Variants in USP37 observed in about 807,000 individuals in gnomAD.
USP37 encodes the protein ubiquitin specific peptidase 37.
USP37 carries 27 observed loss-of-function variants against 124.0 expected under a neutral mutation model. That is an observed-to-expected ratio of 0.22 (90% CI 0.16 to 0.30). The LOEUF (loss-of-function observed/expected upper bound fraction) is 0.30, where lower values mean the gene tolerates loss of function less well. Ranked by LOEUF, USP37 falls within the 10% of genes least tolerant of loss-of-function variation. USP37 has a pLI of 1.00. For missense variants in USP37, 889 were observed against 1,140.4 expected (o/e 0.78, Z 3.17); for synonymous variants, 365 against 388.0 (o/e 0.94, Z 0.70).
At chr2:218,518,144 C>T (rs1574914583) in intron 10 of USP37, among the ~76,000 whole-genome samples, 3 of 151,990 alleles carry the variant, frequency 2.0e-5, no homozygotes, top group Admixed American at 6.6e-5. Flanking sequence ...TTTGTAGAGA[C>T]GAGATTTCCC....
At position 218,454,651 on chromosome 2, in the gene USP37, C is replaced by T. The variant is rs1196836698; in HGVS notation, c.*279G>A. The T allele has an allele frequency of 1.5e-5, 6 of 412,100 alleles. No homozygotes were observed. In the Admixed American group the frequency reaches 2.5e-4, roughly 17 times the overall value. 25.5% of individuals were successfully genotyped at this position (412,100 alleles called of 1,614,324 possible). On this transcript the variant is annotated 3_prime_UTR_variant, in exon 26 of 26. Transcript: ENST00000258399. ...GTGTGTCTGTGTGTGTGTATACACA[C>T]ATACACAGATATATATTTACAACAT...
chr2:218,566,569 A>T (rs547992826), intron 1 of USP37, among the ~76,000 whole-genome samples: 1 of 152,350 alleles, frequency 6.6e-6, no homozygotes, highest in African/African-American at 2.4e-5. Flanking sequence ...CAGATAGAAG[A>T]GTATTGAGTT....
At position 218,459,866 on chromosome 2, in the gene USP37, T is replaced by C. The variant is rs1244552193; in HGVS notation, c.2567A>G (p.Glu856Gly). Residue 856 changes from glutamate (E) to glycine (G), a missense_variant, in exon 23 of 26, where the codon GAG becomes GGG. By Grantham distance (98) the Glu-to-Gly change is moderately conservative (BLOSUM62 -2). This residue lies in a region of USP37 where 504 missense variants were observed against 714.3 expected (regional missense o/e 0.71). Transcript: ENST00000258399. Reference protein sequence around the residue: ...NSFVDALGSDEDSGNEDVFDM... With the variant: ...NSFVDALGSDGDSGNEDVFDM... ...AAAAACATCCTCATTTCCAGAGTCC[T>C]CATCAGAACCCAATGCATCCACAAA... 2.1e-5 allele frequency: 34 copies of C among 1,613,774 alleles called. No homozygotes were observed. Among genetic ancestry groups the C allele is most frequent in the Non-Finnish European group, 2.7e-5 (32 of 1,179,880 alleles).
At chr2:218,532,966 GACA>G in intron 9 of USP37, among the ~76,000 whole-genome samples, 1 of 149,434 alleles carries the variant, frequency 6.7e-6, no homozygotes. Flanking sequence ...TTTTTTTTTA[GACA>G]TAATGCTATT....
intron 4 of USP37, 36 bp from the exon 5 acceptor site, chr2:218,553,760 G>GT: frequency 6.4e-7 from 1 of 1,569,618 alleles, no homozygotes; most frequent in South Asian, 1.2e-5. Flanking sequence ...CATCAAAAAT[G>GT]TATGACAACT....
chr2:218,528,562 T>C (rs1439787205), intron 10 of USP37: 1 of 383,610 alleles, frequency 2.6e-6, no homozygotes, highest in Admixed American at 4.5e-5. Context: ...CTGAGAATGA[T>C]GGTTTTCAGC....
intron 16 of USP37, among the ~76,000 whole-genome samples, chr2:218,484,484 T>A (rs1027703702): frequency 6.6e-6 from 1 of 151,778 alleles, no homozygotes; most frequent in African/African-American, 2.4e-5. Context: ...TAGCCAGGTG[T>A]GGTGGCATAC....
At position 218,482,132 on chromosome 2, in the gene USP37, T is replaced by C. The variant is rs373055713; in HGVS notation, c.1773A>G (p.Ser591=). The C allele has an allele frequency of 3.1e-6, 5 of 1,613,818 alleles. No individual in the cohort carries two copies. In the African/African-American group the frequency reaches 4.0e-5, roughly 13 times the overall value. The change falls in exon 17 of 26, where the codon TCA becomes TCG. Residue 591 remains serine, a synonymous_variant. Transcript: ENST00000258399. ...GTTTTGTATTTTCAGTGCAATGAGA[T>C]GACAGGGTCAGGTATCTTGGAATGA... The part of the protein sequence containing the change: ...QVIIPRYLTL[S]SHCTENTKPP...
chr2:218,450,374 A>C lies in USP37; in HGVS notation c.*4556T>G, dbSNP rs565541205. ...GAACAGTTCTGCTAAAACACAGATA[A>C]AAGTGCCGCTCCATACAAAACATAA... is the stretch of plus-strand genomic sequence containing the variant. On this transcript the variant is annotated 3_prime_UTR_variant, in exon 26 of 26. Coordinates refer to ENST00000258399, the MANE Select transcript of USP37 (RefSeq NM_020935.3). 4 of 152,766 alleles carry C rather than the reference A, an allele frequency of 2.6e-5. No individual in the cohort carries two copies. The highest frequency in any genetic ancestry group is 9.6e-5 in the African/African-American group (4 of 41,580). 9.5% of individuals were successfully genotyped at this position (152,766 alleles called of 1,614,324 possible).
chr2:218,521,426 C>G (rs1001500179), intron 10 of USP37, among the ~76,000 whole-genome samples: 1 of 152,086 alleles, frequency 6.6e-6, no homozygotes, highest in African/African-American at 2.4e-5. Flanking sequence ...CATCTATCAA[C>G]CCACCATCTA....
intron 13 of USP37, among the ~76,000 whole-genome samples, chr2:218,496,613 A>G (rs2105989259): frequency 4.9e-4 from 1 of 2,030 alleles, no homozygotes; most frequent in South Asian, 0.014. Context: ...TTGAAGAGTC[A>G]CATTTAATCT....
intron 20 of USP37, among the ~76,000 whole-genome samples, chr2:218,473,915 AG>A (rs986093209): frequency 6.6e-5 from 10 of 152,352 alleles, no homozygotes; most frequent in South Asian, 2.1e-4. Context: ...CTATACATCT[AG>A]GCTACATGGC....
intron 9 of USP37, among the ~76,000 whole-genome samples, chr2:218,532,600 G>A (rs1691396760): frequency 1.3e-5 from 2 of 152,058 alleles, no homozygotes; most frequent in African/African-American, 4.8e-5. Flanking sequence ...TGAAGGTTCA[G>A]ATGATTGTTA....
Position 218,510,114 on chromosome 2 carries a change from G to A in USP37, c.890C>T (p.Ser297Phe). The A allele has an allele frequency of 6.2e-7, 1 of 1,611,546 alleles. No individual in the cohort carries two copies. The highest frequency in any genetic ancestry group is 8.5e-7 in the Non-Finnish European group (1 of 1,179,518). ...AAGAAATCCCAAACTTCTTTTGGCA[G>A]AGGGAGTCTGGCTTGAAACATTAGT... ...DRTNVSSQTP[S>F]AKRSLGFLPQ... Residue 297 changes from serine (S) to phenylalanine (F), a missense_variant, in exon 11 of 26, where the codon TCT (serine) becomes TTT (phenylalanine). Transcript: ENST00000258399.
rs1257239779 is a variant in USP37 at position 218,482,081 on chromosome 2, T to G, written c.1824A>C (p.Ala608=). The G allele has an allele frequency of 1.2e-6, 2 of 1,611,812 alleles. No homozygotes were observed. Among genetic ancestry groups the G allele is most frequent in the Admixed American group, 3.3e-5 (2 of 59,840 alleles). ...TCTCAAGGACTTACATTGCCATATG[T>G]GCACTCCAACCAAGGGTAAAAGGTG... The part of the protein sequence containing the change: ...TKPPFTLGWS[A]HMAISRPLKA... The change falls in exon 17 of 26, where the codon GCA becomes GCC. Residue 608 remains alanine (A), a synonymous_variant. Coordinates refer to ENST00000258399, the MANE Select transcript of USP37 (RefSeq NM_020935.3).
intron 20 of USP37, among the ~76,000 whole-genome samples, chr2:218,468,895 G>GT (rs1320973610): frequency 8.5e-5 from 13 of 152,212 alleles, no homozygotes; most frequent in Non-Finnish European, 5.9e-5. Context: ...GTTTCACCAT[G>GT]TTGGCCAGGC....
Position 218,547,411 on chromosome 2 carries a change from T to TTTTTTG in USP37, c.430-321_430-320insCAAAAA, listed in dbSNP as rs150100974. Reference sequence around the variant, plus strand: ...TCTGCGGTAAGGCTCATTCATCAGTTTTGTTGTTGTTGTTGTTTGTTGTTG... The same window carrying TTTTTTG: ...TCTGCGGTAAGGCTCATTCATCAGTTTTTTTGTTGTTGTTGTTGTTGTTTGTTGTTG... On this transcript the variant is annotated intron_variant, in intron 6 of 25. Transcript: ENST00000258399. Among the ~76,000 whole-genome samples, 228 of 151,866 alleles carry TTTTTTG rather than the reference T, an allele frequency of 1.5e-3. 1 individual carries two copies. The highest frequency in any genetic ancestry group is 2.7e-3 in the Non-Finnish European group (183 of 67,930).
At chr2:218,457,463 A>G (rs1008886880) in intron 23 of USP37, among the ~76,000 whole-genome samples, 1 of 152,218 alleles carries the variant, frequency 6.6e-6, no homozygotes, top group Non-Finnish European at 1.5e-5. Flanking sequence ...TATCAATTCA[A>G]TATAATAATG....
At chr2:218,553,317 C>G (rs533696537) in intron 5 of USP37, among the ~76,000 whole-genome samples, 1 of 152,130 alleles carries the variant, frequency 6.6e-6, no homozygotes, top group East Asian at 1.9e-4. Context: ...TCAATGTTTT[C>G]ATCTGCAACA....
Sources: allele counts gnomAD v4.1 joint callset (sites outside exome capture counted in the v4.1 genomes callset), GRCh38; gene constraint gnomAD v4.1.1; regional missense constraint gnomAD v4.1.1; transcripts MANE v1.5; gene names NCBI Gene and HGNC (gene_info 2026-07-23, HGNC 2026-07-21).